The following RCVRN variants were observed in gnomAD, a reference collection of about 807,000 sequenced individuals.
RCVRN encodes cancer associated retinopathy antigen.
In RCVRN, 23 loss-of-function variants were observed where a neutral mutation model predicts 20.4. That is an observed-to-expected ratio of 1.13 (90% CI 0.81 to 1.60). The LOEUF is 1.60. RCVRN is among the 40% of genes most tolerant of loss of function. RCVRN has a pLI of 0.00. For synonymous variants in RCVRN, 105 were observed against 105.9 expected (o/e 0.99, Z 0.05); for missense variants, 254 against 254.2 (o/e 1.00, Z 0.00).
Position 9,904,464 on chromosome 17 carries a change from G to A in RCVRN, c.381+336C>T, listed in dbSNP as rs2067354225. Among the ~76,000 whole-genome samples, 1 of 152,176 alleles carries A rather than the reference G, an allele frequency of 6.6e-6. No individual in the cohort carries two copies. The highest frequency in any genetic ancestry group is 1.5e-5 in the Non-Finnish European group (1 of 68,024). ...AAAAATAAAGTAACTGTGCTATGAC[G>A]TCACTAGGCAGTAGGAATTTTTCAG... On this transcript the variant is annotated intron_variant, in intron 1 of 2. Coordinates refer to ENST00000226193, the MANE Select transcript of RCVRN (RefSeq NM_002903.3). The surrounding 1 kb of genome is among the most constrained non-coding windows in gnomAD (Gnocchi z 5.8).
chr17:9,904,861 G>C lies in RCVRN; in HGVS notation c.320C>G (p.Ser107Cys), dbSNP rs751798017. The C allele has an allele frequency of 3.7e-6, 6 of 1,614,250 alleles. No individual in the cohort carries two copies. The East Asian group carries it at 1.3e-4, about 36-fold the overall frequency. ...CCCGTTACCGTCCACGTCGTAGAGG[G>C]AGAAGGCCCACTCCAGCTTCTGGTT... ...KTNQKLEWAF[S>C]LYDVDGNGTI... The change falls in exon 1 of 3, where the codon TCC becomes TGC. Residue 107 changes from serine to cysteine, a missense_variant. Transcript: ENST00000226193. This position sits in a 1 kb window ranked among gnomAD's most constrained non-coding sequence, Gnocchi z 5.8.
intron 2 of RCVRN, among the ~76,000 whole-genome samples, chr17:9,900,770 T>C (rs2067337816): frequency 6.6e-6 from 1 of 152,202 alleles, no homozygotes; most frequent in Non-Finnish European, 1.5e-5. Context: ...AGCTGAAGTT[T>C]GCTCTTGTTC....
At chr17:9,901,197 CA>C in intron 1 of RCVRN, 97 bp from the exon 2 acceptor site, 1 of 569,008 alleles carries the variant, frequency 1.8e-6, no homozygotes, top group Non-Finnish European at 3.1e-6. Context: ...AAAATCTACT[CA>C]AAATGGATTA....
chr17:9,900,519 C>CCTAACCTTCCTTTCTTTCCTACCCTT (rs1567747247), intron 2 of RCVRN, among the ~76,000 whole-genome samples: 1 of 152,114 alleles, frequency 6.6e-6, no homozygotes, highest in African/African-American at 2.4e-5. Flanking sequence ...TCCTTTCTTT[C>CCTAACCTTCCTTTCTTTCCTACCCTT]CCTCTCTCCC....
rs115377444 is a variant in RCVRN, at chr17:9,904,407, C to G, written c.381+393G>C. ...TTACCGTACACAACTACAGACTTTA[C>G]GGATACACTTAGGCTACACTAAATG... On this transcript the variant is annotated intron_variant, in intron 1 of 2. Transcript: ENST00000226193. This position sits in a 1 kb window ranked among gnomAD's most constrained non-coding sequence, Gnocchi z 5.8. Among the ~76,000 whole-genome samples, 369 of 152,244 alleles carry G rather than the reference C, an allele frequency of 2.4e-3. 2 individuals carry two copies. The highest frequency in any genetic ancestry group is 8.3e-3 in the African/African-American group (346 of 41,536).
chr17:9,898,318 A>G (rs62064489), intron 2 of RCVRN, 114 bp from the exon 3 acceptor site: 136,285 of 699,136 alleles, frequency 0.19, 15,509 homozygotes, highest in Non-Finnish European at 0.25. Context: ...TATCTATTAT[A>G]AGAATATTGA....
chr17:9,904,771 C>T lies in RCVRN; in HGVS notation c.381+29G>A, dbSNP rs117870894. 0.019 allele frequency: 29,958 copies of T among 1,598,322 alleles called. 359 individuals carry two copies. Among genetic ancestry groups the T allele is most frequent in the Non-Finnish European group, 0.023 (27,357 of 1,169,988 alleles). ...CAGCCCGGAGCGACCCCGGCACCGCCCAGCCAGAAGGGGAGAGGGGAGACT... is the reference window on the plus strand; with the variant it reads ...CAGCCCGGAGCGACCCCGGCACCGCTCAGCCAGAAGGGGAGAGGGGAGACT... On this transcript the variant is annotated intron_variant, in intron 1 of 2. Transcript: ENST00000226193. The surrounding 1 kb of genome is among the most constrained non-coding windows in gnomAD (Gnocchi z 5.8).
rs2152053573 is a variant in RCVRN at position 9,896,422 on chromosome 17, G to A, written c.*1673C>T. On this transcript the variant is annotated 3_prime_UTR_variant, in exon 3 of 3. Coordinates refer to ENST00000226193, the MANE Select transcript of RCVRN (RefSeq NM_002903.3). ...TCTGTGGCTAAAGTGGGGTCTGGAG[G>A]CATCACCACAATACCAGCAACTAGA... is the stretch of plus-strand genomic sequence containing the variant. The A allele has an allele frequency of 6.6e-6, 1 of 152,354 alleles. No individual in the cohort carries two copies. The highest frequency in any genetic ancestry group is 1.9e-4 in the East Asian group (1 of 5,186). 9.4% of individuals were successfully genotyped at this position (152,354 alleles called of 1,614,324 possible).
chr17:9,901,100 C>A lies in RCVRN; in HGVS notation c.382G>T (p.Ala128Ser). 6.4e-7 allele frequency: 1 copy of A among 1,568,116 alleles called. No individual in the cohort carries two copies. The change falls in exon 2 of 3, where the codon GCT becomes TCT. Residue 128 changes from alanine to serine, a missense_variant and splice_region_variant. By Grantham distance (99) the Ala-to-Ser change is moderately conservative. Coordinates refer to ENST00000226193, the MANE Select transcript of RCVRN (RefSeq NM_002903.3). The part of the protein sequence containing the change: ...SKNEVLEIVM[A>S]IFKMITPEDV... Reference sequence around the variant, plus strand: ...TCGGGAGTGATCATTTTGAAAATAGCCTGTACCAAACAGAAAGAAAGAACT... The same window carrying A: ...TCGGGAGTGATCATTTTGAAAATAGACTGTACCAAACAGAAAGAAAGAACT...
rs2067321081 is a variant in RCVRN at position 9,897,247 on chromosome 17, TCA to T, written c.*846_*847del. ...CCCCCGCCTACCTTTTAGATTCAGC[TCA>T]CACTTTGCTCTCCCTCCTCCTTCTA... On this transcript the variant is annotated 3_prime_UTR_variant, in exon 3 of 3. Coordinates refer to ENST00000226193, the MANE Select transcript of RCVRN (RefSeq NM_002903.3). 6.6e-6 allele frequency: 1 copy of T among 152,156 alleles called. No individual in the cohort carries two copies. The highest frequency in any genetic ancestry group is 1.5e-5 in the Non-Finnish European group (1 of 68,114). The allele number at this position is 152,156 out of a possible 1,614,324, so 9.4% of individuals were successfully genotyped here. A position where few individuals can be genotyped will look rare whatever the true frequency, so the allele number is the denominator to read the frequency against.
chr17:9,904,664 C>A lies in RCVRN; in HGVS notation c.381+136G>T. Reference sequence around the variant, plus strand: ...TATCAATATCAGCATCTCGGAGCACCACGCTCTCAGAGCCAGTGGCCCGCA... The same window carrying A: ...TATCAATATCAGCATCTCGGAGCACAACGCTCTCAGAGCCAGTGGCCCGCA... On this transcript the variant is annotated intron_variant, in intron 1 of 2. Coordinates refer to ENST00000226193, the MANE Select transcript of RCVRN (RefSeq NM_002903.3). This position sits in a 1 kb window ranked among gnomAD's most constrained non-coding sequence, Gnocchi z 5.8. 2.0e-6 allele frequency: 2 copies of A among 991,750 alleles called. No individual in the cohort carries two copies. The highest frequency in any genetic ancestry group is 3.2e-5 in the South Asian group (2 of 63,442). The allele number at this position is 991,750 out of a possible 1,614,324, so 61.4% of individuals were successfully genotyped here.
intron 2 of RCVRN, among the ~76,000 whole-genome samples, 182 bp downstream of exon 2, chr17:9,900,807 C>T (rs932222150): frequency 6.6e-6 from 1 of 152,114 alleles, no homozygotes; most frequent in Non-Finnish European, 1.5e-5. Context: ...AGTTTTGGCT[C>T]CTGCTCACCC....
chr17:9,902,317 G>A (rs1033940716), intron 1 of RCVRN, among the ~76,000 whole-genome samples: 1 of 152,142 alleles, frequency 6.6e-6, no homozygotes, highest in African/African-American at 2.4e-5. Flanking sequence ...ACACATGCCT[G>A]CCAGAATGGG....
At position 9,904,695 on chromosome 17, in the gene RCVRN, CG is replaced by C. The variant is rs1276848441; in HGVS notation, c.381+104del. On this transcript the variant is annotated intron_variant, in intron 1 of 2. Coordinates refer to ENST00000226193, the MANE Select transcript of RCVRN (RefSeq NM_002903.3). This position sits in a 1 kb window ranked among gnomAD's most constrained non-coding sequence, Gnocchi z 5.8. ...CTCAGAGCCAGTGGCCCGCATCCCC[CG>C]CTCCACCCACAGATCCACTCCCTCT... The C allele has an allele frequency of 2.2e-6, 3 of 1,345,212 alleles. No individual in the cohort carries two copies. In the Admixed American group the frequency reaches 6.0e-5, roughly 27 times the overall value. 83.3% of individuals were successfully genotyped at this position (1,345,212 alleles called of 1,614,324 possible).
At position 9,904,347 on chromosome 17, in the gene RCVRN, G is replaced by C. The variant is rs928852940; in HGVS notation, c.381+453C>G. ...TGGGAGTTGCTCTGGGTGAGTCAGT[G>C]AGTGAGTAGTGAGTGAATGTGAAGA... is the stretch of plus-strand genomic sequence containing the variant. On this transcript the variant is annotated intron_variant, in intron 1 of 2. Transcript: ENST00000226193. This position sits in a 1 kb window ranked among gnomAD's most constrained non-coding sequence, Gnocchi z 5.8. Among the ~76,000 whole-genome samples the C allele has an allele frequency of 2.6e-5, 4 of 152,218 alleles. No individual in the cohort carries two copies. Among genetic ancestry groups the C allele is most frequent in the Admixed American group, 2.6e-4 (4 of 15,286 alleles).
Position 9,905,254 on chromosome 17 carries a change from TG to T in RCVRN, c.-75del. The T allele has an allele frequency of 6.8e-7, 1 of 1,459,856 alleles. No homozygotes were observed. Among genetic ancestry groups the T allele is most frequent in the Non-Finnish European group, 9.1e-7 (1 of 1,097,060 alleles). The allele number at this position is 1,459,856 out of a possible 1,614,324, so 90.4% of individuals were successfully genotyped here. On this transcript the variant is annotated 5_prime_UTR_variant, in exon 1 of 3. Transcript: ENST00000226193. The stretch of plus-strand genomic sequence containing the variant: ...CGTGCGTGGTCCCCTGGCCGCAGGC[TG>T]GGCTCAAGGCTGGTGTGAGCTGAAG...
Position 9,897,810 on chromosome 17 carries a change from T to G in RCVRN, c.*285A>C. On this transcript the variant is annotated 3_prime_UTR_variant, in exon 3 of 3. Transcript: ENST00000226193. ...GGACTCCTATGGCCTAATCCTGGGATTAGCACAGGGCCATGGGCTGGTGGA... is the reference window on the plus strand; with the variant it reads ...GGACTCCTATGGCCTAATCCTGGGAGTAGCACAGGGCCATGGGCTGGTGGA... 2.7e-6 allele frequency: 1 copy of G among 369,526 alleles called. No homozygotes were observed. Among genetic ancestry groups the G allele is most frequent in the Non-Finnish European group, 5.0e-6 (1 of 201,942 alleles). 22.9% of individuals were successfully genotyped at this position (369,526 alleles called of 1,614,324 possible).
chr17:9,900,966 G>A (rs1441190663), intron 2 of RCVRN, 23 bp downstream of exon 2: 2 of 1,389,494 alleles, frequency 1.4e-6, no homozygotes, highest in Non-Finnish European at 2.0e-6. Flanking sequence ...AAAATCAAAG[G>A]CAATGAAGGA....
rs1173430822 is a variant in RCVRN, at chr17:9,899,948, G to A, written c.493+1041C>T. ...AGACTGCCTCCAGAGGTCACCAAAG[G>A]GGTTAATACAGGACCCTTGGATGTG... is the stretch of plus-strand genomic sequence containing the variant. On this transcript the variant is annotated intron_variant, in intron 2 of 2. Coordinates refer to ENST00000226193, the MANE Select transcript of RCVRN (RefSeq NM_002903.3). This position sits in a 1 kb window ranked among gnomAD's most constrained non-coding sequence, Gnocchi z 4.6. Among the ~76,000 whole-genome samples the A allele has an allele frequency of 1.3e-5, 2 of 152,102 alleles. No individual in the cohort carries two copies. The highest frequency in any genetic ancestry group is 3.9e-4 in the East Asian group (2 of 5,182).
Sources: gnomAD v4.1 joint callset for allele counts (sites outside exome capture counted in the v4.1 genomes callset) on GRCh38, gnomAD v4.1.1 for gene constraint, Gnocchi (gnomAD v3.1) non-coding constraint, MANE v1.5 for transcripts, NCBI Gene and HGNC (gene_info 2026-07-23, HGNC 2026-07-21) for gene names.